Variants in GFOD1 observed in about 807,000 individuals in gnomAD.
GFOD1 encodes the protein Gfo/Idh/MocA-like oxidoreductase domain containing 1.
Under a neutral mutation model 25.4 loss-of-function variants are expected in GFOD1, and 9 were observed. That is an observed-to-expected ratio of 0.35 (90% CI 0.21 to 0.62). The LOEUF (loss-of-function observed/expected upper bound fraction) is 0.62, where lower values mean the gene tolerates loss of function less well. Among genes scored for constraint, GFOD1 ranks in the 20% least tolerant of loss-of-function variants. The probability of loss-of-function intolerance (pLI) is 0.72; values close to 1 mark genes in which losing one functional copy is unlikely to be tolerated. For missense variants in GFOD1, 403 were observed against 556.9 expected (o/e 0.72, Z 2.78); for synonymous variants, 253 against 245.6 (o/e 1.03, Z -0.28).
intron 1 of GFOD1, among the ~76,000 whole-genome samples, chr6:13,432,252 G>A (rs1757762978): frequency 6.6e-6 from 1 of 150,534 alleles, no homozygotes; most frequent in Non-Finnish European, 1.5e-5. Flanking sequence ...TTGAGATGGG[G>A]GCCCAGGCTG....
intron 1 of GFOD1, among the ~76,000 whole-genome samples, chr6:13,413,367 G>A (rs145465896): frequency 2.0e-5 from 3 of 152,320 alleles, no homozygotes; most frequent in Admixed American, 6.5e-5. Flanking sequence ...CTGCCACCAA[G>A]GCACATCAGC....
chr6:13,434,825 A>G (rs1757808771), intron 1 of GFOD1, among the ~76,000 whole-genome samples: 1 of 152,252 alleles, frequency 6.6e-6, no homozygotes, highest in Admixed American at 6.5e-5. Context: ...ACAGCAGAAG[A>G]ACCAAAAACA....
chr6:13,439,770 A>T (rs536342367), intron 1 of GFOD1, among the ~76,000 whole-genome samples: 1 of 152,240 alleles, frequency 6.6e-6, no homozygotes, highest in Non-Finnish European at 1.5e-5. Context: ...TTCAAGTCTT[A>T]AACAGTGGCT....
At chr6:13,474,947 T>G (rs1758583927) in intron 1 of GFOD1, among the ~76,000 whole-genome samples, 1 of 152,176 alleles carries the variant, frequency 6.6e-6, no homozygotes, top group South Asian at 2.1e-4. Context: ...TTCTCTTGGG[T>G]TGGAGAATTC....
rs1013738328 is a variant in GFOD1 at position 13,360,028 on chromosome 6, T to A, written c.*4715A>T. 8.5e-5 allele frequency: 13 copies of A among 152,132 alleles called. No homozygotes were observed. The highest frequency in any genetic ancestry group is 3.1e-4 in the African/African-American group (13 of 41,372). 9.4% of individuals were successfully genotyped at this position (152,132 alleles called of 1,614,324 possible). On this transcript the variant is annotated 3_prime_UTR_variant, in exon 2 of 2. Coordinates refer to ENST00000379287, the MANE Select transcript of GFOD1 (RefSeq NM_018988.4). Reference sequence around the variant, plus strand: ...CCAATGCAGGTCTAATTCCAACTTCTCTGCCACTAGCCACAGGACTTCAGA... The same window carrying A: ...CCAATGCAGGTCTAATTCCAACTTCACTGCCACTAGCCACAGGACTTCAGA...
rs752428211 is a variant in GFOD1 at position 13,365,403 on chromosome 6, G to T, written c.513C>A (p.Gly171=). The T allele has an allele frequency of 6.2e-7, 1 of 1,613,854 alleles. No individual in the cohort carries two copies. The highest frequency in any genetic ancestry group is 1.1e-5 in the South Asian group (1 of 91,080). The change falls in exon 2 of 2, where the codon GGC becomes GGA. Residue 171 remains glycine (G), a synonymous_variant. Coordinates refer to ENST00000379287, the MANE Select transcript of GFOD1 (RefSeq NM_018988.4). The surrounding 1 kb of genome is among the most constrained non-coding windows in gnomAD (Gnocchi z 9.2). Reference sequence around the variant, plus strand: ...TGTAGGTGCCCACGGAGTGCAGGCCGCCGCCGCCCATCAAGTCGTCGCAGC... The same window carrying T: ...TGTAGGTGCCCACGGAGTGCAGGCCTCCGCCGCCCATCAAGTCGTCGCAGC... The part of the protein sequence containing the change: ...NWSCDDLMGG[G]GLHSVGTYII...
At position 13,359,459 on chromosome 6, in the gene GFOD1, T is replaced by TG. The variant is rs1357682628; in HGVS notation, c.*5283dup. ...TTTGTATTAATATCTAGGAGTGGGGTGGGGATGCAGGTGGAGGGTGAGCCA... is the reference window on the plus strand; with the variant it reads ...TTTGTATTAATATCTAGGAGTGGGGTGGGGGATGCAGGTGGAGGGTGAGCCA... On this transcript the variant is annotated 3_prime_UTR_variant, in exon 2 of 2. Transcript: ENST00000379287. 1.3e-5 allele frequency: 2 copies of TG among 151,662 alleles called. No individual in the cohort carries two copies. Among genetic ancestry groups the TG allele is most frequent in the Non-Finnish European group, 2.9e-5 (2 of 67,906 alleles). The allele number at this position is 151,662 out of a possible 1,614,324, so 9.4% of individuals were successfully genotyped here.
chr6:13,426,363 C>T (rs1311479271), intron 1 of GFOD1, among the ~76,000 whole-genome samples: 1 of 152,198 alleles, frequency 6.6e-6, no homozygotes, highest in Non-Finnish European at 1.5e-5. Context: ...GTCCCACACA[C>T]AACCCCAGAT....
At chr6:13,385,392 T>C (rs773014139) in intron 1 of GFOD1, among the ~76,000 whole-genome samples, 3 of 152,202 alleles carry the variant, frequency 2.0e-5, no homozygotes, top group Non-Finnish European at 4.4e-5. Flanking sequence ...GGAACTGTCA[T>C]TCAACACTGG....
intron 1 of GFOD1, among the ~76,000 whole-genome samples, chr6:13,460,740 C>G (rs1315921139): frequency 5.8e-5 from 7 of 121,436 alleles, no homozygotes; most frequent in African/African-American, 1.6e-4. Context: ...ATATTAATAC[C>G]TAGGTGACGG....
chr6:13,427,435 G>A (rs1012079078), intron 1 of GFOD1, among the ~76,000 whole-genome samples: 6 of 152,184 alleles, frequency 3.9e-5, no homozygotes, highest in African/African-American at 9.6e-5. Context: ...TAAGGCAGGC[G>A]AATCCCTTGA....
Position 13,360,596 on chromosome 6 carries a change from A to G in GFOD1, c.*4147T>C. 1 of 421,176 alleles carries G rather than the reference A, an allele frequency of 2.4e-6. No homozygotes were observed. The highest frequency in any genetic ancestry group is 1.7e-5 in the South Asian group (1 of 59,890). 26.1% of individuals were successfully genotyped at this position (421,176 alleles called of 1,614,324 possible). ...CCTGAGGCTTGCTGCATCACCTACAATCAAAATGAACATAGGAAGTCAATT... is the reference window on the plus strand; with the variant it reads ...CCTGAGGCTTGCTGCATCACCTACAGTCAAAATGAACATAGGAAGTCAATT... On this transcript the variant is annotated 3_prime_UTR_variant, in exon 2 of 2. Coordinates refer to ENST00000379287, the MANE Select transcript of GFOD1 (RefSeq NM_018988.4).
intron 1 of GFOD1, among the ~76,000 whole-genome samples, chr6:13,436,660 C>T (rs1757837497): frequency 6.6e-6 from 1 of 152,196 alleles, no homozygotes; most frequent in Admixed American, 6.5e-5. Flanking sequence ...AATAGTTGTG[C>T]TAATGTAGCT....
chr6:13,451,959 C>G (rs1469642804), intron 1 of GFOD1, among the ~76,000 whole-genome samples: 1 of 152,168 alleles, frequency 6.6e-6, no homozygotes, highest in Non-Finnish European at 1.5e-5. Context: ...CAGTTCAGCT[C>G]AGCACTGTCT....
chr6:13,373,328 GT>G (rs1465480181), intron 1 of GFOD1, among the ~76,000 whole-genome samples: 1 of 152,198 alleles, frequency 6.6e-6, no homozygotes, highest in East Asian at 1.9e-4. Context: ...ATCATTCAGA[GT>G]TTGGTTCGGG....
intron 1 of GFOD1, among the ~76,000 whole-genome samples, chr6:13,456,842 C>T (rs2560760): frequency 0.98 from 149,465 of 152,268 alleles, 73,417 homozygotes; most frequent in Middle Eastern, 1. Flanking sequence ...AGGGACATTA[C>T]TGAGTAGAAC....
At position 13,432,175 on chromosome 6, in the gene GFOD1, C is replaced by G. The variant is rs1327407363; in HGVS notation, c.253+54463G>C. Among the ~76,000 whole-genome samples, 4 of 152,068 alleles carry G rather than the reference C, an allele frequency of 2.6e-5. No homozygotes were observed. The East Asian group carries it at 7.7e-4, about 29-fold the overall frequency. On this transcript the variant is annotated intron_variant, in intron 1 of 1. Coordinates refer to ENST00000379287, the MANE Select transcript of GFOD1 (RefSeq NM_018988.4). ...TTCAGAAACAGAAGACAGCCATTTT[C>G]CACACAACTAATCACCAGATTTCTT...
chr6:13,473,272 C>T (rs1758546555), intron 1 of GFOD1, among the ~76,000 whole-genome samples: 1 of 152,220 alleles, frequency 6.6e-6, no homozygotes, highest in African/African-American at 2.4e-5. Context: ...CGGATGTAAG[C>T]ACCAAACCAG....
intron 1 of GFOD1, among the ~76,000 whole-genome samples, chr6:13,428,622 G>A (rs899263886): frequency 1.3e-5 from 2 of 152,146 alleles, no homozygotes; most frequent in Non-Finnish European, 2.9e-5. Flanking sequence ...GAAGCCTGGG[G>A]AAATTCAACA....
Sources: gnomAD v4.1 joint callset for allele counts (sites outside exome capture counted in the v4.1 genomes callset) on GRCh38, gnomAD v4.1.1 for gene constraint, Gnocchi (gnomAD v3.1) non-coding constraint, MANE v1.5 for transcripts, NCBI Gene and HGNC (gene_info 2026-07-23, HGNC 2026-07-21) for gene names.